The following CFAP46 variants were observed in gnomAD, a reference collection of about 807,000 sequenced individuals.
The protein encoded by CFAP46 is cilia and flagella associated protein 46.
A neutral mutation model predicts 325.7 loss-of-function variants in CFAP46; 245 were observed. The observed-to-expected ratio is 0.75, with a 90% confidence interval of 0.68 to 0.84. The LOEUF is 0.84. Among genes scored for constraint, CFAP46 ranks in the 40% least tolerant of loss-of-function variants. CFAP46 has a pLI of 0.00. For missense variants in CFAP46, 3,346 were observed against 3,543.0 expected, an observed-to-expected ratio of 0.94 and a Z score of 1.41; for synonymous variants, 1,523 against 1,495.9, an observed-to-expected ratio of 1.02 and a Z score of -0.42.
In CFAP46 at chr10:132,937,568, T is replaced by G. The variant is rs760149031; in HGVS notation, c.644A>C (p.Gln215Pro). 8 of 1,613,514 alleles carry G rather than the reference T, an allele frequency of 5.0e-6. No individual in the cohort carries two copies. The Admixed American group carries it at 8.3e-5, about 17-fold the overall frequency. The change falls in exon 6 of 58, where the codon CAG (glutamine) becomes CCG (proline). Residue 215 changes from glutamine to proline, a missense_variant. By Grantham distance (76) the Gln-to-Pro change is moderately conservative. Coordinates refer to ENST00000368586, the MANE Select transcript of CFAP46 (RefSeq NM_001200049.3). ...CTGATTTACCATAACAGAGAATATC[T>G]GCCGGTATTTCTGTGGCACGTGAGA... Reference protein sequence around the residue: ...IKSHVPQKYRQIFSVMVRHEL... With the variant: ...IKSHVPQKYRPIFSVMVRHEL...
intron 19 of CFAP46, 115 bp downstream of exon 19, chr10:132,912,537 TCTC>T: frequency 5.1e-6 from 2 of 394,900 alleles, no homozygotes; most frequent in Non-Finnish European, 3.7e-6. Context: ...ACCTCTCTCC[TCTC>T]CTCTCTCTCT....
In CFAP46 at chr10:132,889,993, G is replaced by A. The variant is rs1849232402; in HGVS notation, c.3304+2340C>T. On this transcript the variant is annotated intron_variant, in intron 25 of 57. Coordinates refer to ENST00000368586, the MANE Select transcript of CFAP46 (RefSeq NM_001200049.3). This position sits in a 1 kb window ranked among gnomAD's most constrained non-coding sequence, Gnocchi z 6.0. ...GTACATTTTCGTATCTGTGAAAAGT[G>A]CTCCTTTCCACAAAATCTCTGCTAT... 6.6e-6 allele frequency among the ~76,000 whole-genome samples: 1 copy of A among 152,192 alleles called. No homozygotes were observed. The highest frequency in any genetic ancestry group is 2.4e-5 in the African/African-American group (1 of 41,446).
rs1564790790 is a variant in CFAP46, at chr10:132,887,667, ACCTCTCTCTCTCCTCT to A, written c.3305-1724_3305-1709del. ...TCTCTCCTCTCCTCTCTCCTCTTTC[ACCTCTCTCTCTCCTCT>A]CCTCTCTCTCTCCTCTCCTCTCTCT... On this transcript the variant is annotated intron_variant, in intron 25 of 57. Coordinates refer to ENST00000368586, the MANE Select transcript of CFAP46 (RefSeq NM_001200049.3). 2.9e-3 allele frequency among the ~76,000 whole-genome samples: 30 copies of A among 10,318 alleles called. 1 individual carries two copies. Among genetic ancestry groups the A allele is most frequent in the Non-Finnish European group, 3.7e-3 (16 of 4,292 alleles). 6.8% of individuals were successfully genotyped at this position (10,318 alleles called of 152,430 possible). A position where few individuals can be genotyped will look rare whatever the true frequency, so the allele number is the denominator to read the frequency against.
intron 31 of CFAP46, among the ~76,000 whole-genome samples, chr10:132,873,868 T>C (rs1056918119): frequency 1.3e-5 from 2 of 152,114 alleles, no homozygotes; most frequent in Non-Finnish European, 2.9e-5. Flanking sequence ...AACAACTTCA[T>C]GGCAATACAT....
Position 132,889,399 on chromosome 10 carries a change from T to G in CFAP46, c.3304+2934A>C, listed in dbSNP as rs565047412. ...GCACCCCATTGGATGCTGGGATCTG[T>G]GGGCTCACTGTGGCCTTCACACTCT... On this transcript the variant is annotated intron_variant, in intron 25 of 57. Coordinates refer to ENST00000368586, the MANE Select transcript of CFAP46 (RefSeq NM_001200049.3). This position sits in a 1 kb window ranked among gnomAD's most constrained non-coding sequence, Gnocchi z 6.0. Among the ~76,000 whole-genome samples the G allele has an allele frequency of 4.3e-4, 65 of 152,282 alleles. No homozygotes were observed. Among genetic ancestry groups the G allele is most frequent in the Admixed American group, 2.7e-3 (42 of 15,304 alleles).
At position 132,832,317 on chromosome 10, in the gene CFAP46, CG is replaced by C. The variant is rs1848159014; in HGVS notation, c.7117+1040del. 6.6e-6 allele frequency among the ~76,000 whole-genome samples: 1 copy of C among 151,180 alleles called. No individual in the cohort carries two copies. The highest frequency in any genetic ancestry group is 6.6e-5 in the Admixed American group (1 of 15,174). ...CTCCTTCCAGGTGTCCCGCCCTGCACGTTGTAGTTGTCAGTTTCCCAGACTC... is the reference window on the plus strand; with the variant it reads ...CTCCTTCCAGGTGTCCCGCCCTGCACTTGTAGTTGTCAGTTTCCCAGACTC... On this transcript the variant is annotated intron_variant, in intron 50 of 57. Transcript: ENST00000368586. This position sits in a 1 kb window ranked among gnomAD's most constrained non-coding sequence, Gnocchi z 4.1.
chr10:132,833,181 C>T (rs866845252), intron 50 of CFAP46, among the ~76,000 whole-genome samples, 177 bp downstream of exon 50: 3 of 152,270 alleles, frequency 2.0e-5, no homozygotes, highest in Middle Eastern at 6.8e-3. Context: ...CACCATGTTG[C>T]CCAGGCTGGT....
rs778930543 is a variant in CFAP46 at position 132,878,062 on chromosome 10, G to A, written c.4031C>T (p.Ser1344Leu). The change falls in exon 30 of 58, where the codon TCA (serine) becomes TTA (leucine). Residue 1344 changes from serine (S) to leucine (L), a missense_variant. Physicochemically the swap from Ser to Leu is moderately radical, Grantham distance 145. Coordinates refer to ENST00000368586, the MANE Select transcript of CFAP46 (RefSeq NM_001200049.3). ...TGCCAGGGGTCTGTTTTCCAGAACT[G>A]ATTTTCCTGCTGTCATCAAAGAAAC... ...WQVSLMTAGK[S>L]VLENRPLAAT... 4.7e-5 allele frequency: 73 copies of A among 1,547,030 alleles called. No individual in the cohort carries two copies. Among genetic ancestry groups the A allele is most frequent in the Non-Finnish European group, 6.3e-5 (72 of 1,145,376 alleles).
At chr10:132,841,573 G>T (rs2135062327) in intron 44 of CFAP46, among the ~76,000 whole-genome samples, 1 of 152,346 alleles carries the variant, frequency 6.6e-6, no homozygotes, top group Middle Eastern at 3.4e-3. Flanking sequence ...GTCTGTGGTG[G>T]CTCCATCCCT....
At chr10:132,821,991 G>T (rs1350860975) in intron 50 of CFAP46, among the ~76,000 whole-genome samples, 1 of 124,638 alleles carries the variant, frequency 8.0e-6, no homozygotes, top group Non-Finnish European at 1.6e-5. Context: ...CTGTGTGTGC[G>T]CTTGTGTGTG....
At chr10:132,908,330 C>A in intron 22 of CFAP46, 138 bp downstream of exon 22, 3 of 1,021,144 alleles carry the variant, frequency 2.9e-6, no homozygotes, top group Non-Finnish European at 4.2e-6. Flanking sequence ...GATCTGTGAT[C>A]GCGGCCCAGG....
At chr10:132,822,598 CTGA>C (rs1345235210) in intron 50 of CFAP46, among the ~76,000 whole-genome samples, 2 of 113,464 alleles carry the variant, frequency 1.8e-5, no homozygotes, top group East Asian at 2.9e-4. Flanking sequence ...TGTGTGAGTG[CTGA>C]TGTGTGCTGT....
intron 19 of CFAP46, among the ~76,000 whole-genome samples, chr10:132,912,035 C>A (rs1371003262): frequency 1.3e-5 from 2 of 152,116 alleles, no homozygotes; most frequent in Non-Finnish European, 2.9e-5. Context: ...TTTCCAGGAG[C>A]CTTCAGAAGC....
chr10:132,899,900 G>A (rs1849371013), intron 22 of CFAP46, among the ~76,000 whole-genome samples: 1 of 152,220 alleles, frequency 6.6e-6, no homozygotes, highest in Non-Finnish European at 1.5e-5. Context: ...CTGAGGCCTG[G>A]AGTGCCCACG....
At chr10:132,926,253 G>A (rs1306845191) in intron 10 of CFAP46, among the ~76,000 whole-genome samples, 1 of 152,180 alleles carries the variant, frequency 6.6e-6, no homozygotes, top group Non-Finnish European at 1.5e-5. Flanking sequence ...GTCCTCCCAG[G>A]CAGGCATCAC....
At chr10:132,911,508 C>T (rs781541412) in intron 19 of CFAP46, among the ~76,000 whole-genome samples, 14 of 152,216 alleles carry the variant, frequency 9.2e-5, no homozygotes, top group Admixed American at 5.9e-4. Context: ...CCCGCCCCAC[C>T]GCGGGTGCTC....
chr10:132,815,650 G>T (rs1041657929), intron 50 of CFAP46, among the ~76,000 whole-genome samples: 1 of 152,192 alleles, frequency 6.6e-6, no homozygotes, highest in Non-Finnish European at 1.5e-5. Flanking sequence ...GGCCCGGCAC[G>T]TGGCTTATGC....
chr10:132,922,804 A>G, intron 11 of CFAP46, 96 bp from the exon 12 acceptor site: 3 of 968,486 alleles, frequency 3.1e-6, no homozygotes, highest in Non-Finnish European at 4.6e-6. Flanking sequence ...GTGGCCCCAG[A>G]GTGTAGGGCA....
At position 132,812,797 on chromosome 10, in the gene CFAP46, T is replaced by C. The variant is rs762019006; in HGVS notation, c.7489A>G (p.Met2497Val). ...GGACACCTCTCACCTTGCAAGTTCA[T>C]GGCGACCAATCTCTCCACTAATATA... Reference protein sequence around the residue: ...SHILVERLVAMNLQECQVAVL... With the variant: ...SHILVERLVAVNLQECQVAVL... Residue 2497 changes from methionine to valine, a missense_variant, in exon 55 of 58, where the codon ATG becomes GTG. Transcript: ENST00000368586. 2 of 1,611,926 alleles carry C rather than the reference T, an allele frequency of 1.2e-6. No homozygotes were observed. The highest frequency in any genetic ancestry group is 2.2e-5 in the South Asian group (2 of 91,070).
Sources: allele counts gnomAD v4.1 joint callset (sites outside exome capture counted in the v4.1 genomes callset), GRCh38; gene constraint gnomAD v4.1.1; non-coding constraint Gnocchi (gnomAD v3.1); transcripts MANE v1.5; gene names NCBI Gene and HGNC (gene_info 2026-07-23, HGNC 2026-07-21).